NEK1: variants seen among roughly 807,000 people sequenced by gnomAD.
NEK1 encodes the protein NIMA related kinase 1.
Under a neutral mutation model 182.1 loss-of-function variants are expected in NEK1, and 137 were observed. The ratio of observed to expected loss-of-function variants is 0.75; its 90% CI spans 0.65 to 0.87. NEK1 has a LOEUF of 0.87. Ranked by LOEUF, NEK1 falls within the 40% of genes least tolerant of loss-of-function variation. The pLI, the probability that NEK1 is intolerant of heterozygous loss-of-function variation, is 0.00. For synonymous variants in NEK1, 513 were observed against 492.2 expected, an observed-to-expected ratio of 1.04 and a Z score of -0.56; for missense variants, 1,391 against 1,494.4, an observed-to-expected ratio of 0.93 and a Z score of 1.14.
At chr4:169,581,114 T>TGAGGG (rs1766581628) in intron 10 of NEK1, among the ~76,000 whole-genome samples, 1 of 149,432 alleles carries the variant, frequency 6.7e-6, no homozygotes, top group East Asian at 2.0e-4. Flanking sequence ...TTTAGGAGGC[T>TGAGGG]GAGGGGAAGA....
chr4:169,503,883 C>T (rs538264062), intron 23 of NEK1, among the ~76,000 whole-genome samples: 6 of 151,914 alleles, frequency 3.9e-5, no homozygotes, highest in Non-Finnish European at 8.8e-5. Context: ...CTTGATTGCA[C>T]ATCAAGTTAA....
At chr4:169,559,975 C>G (rs1253533298) in intron 16 of NEK1, among the ~76,000 whole-genome samples, 1 of 152,188 alleles carries the variant, frequency 6.6e-6, no homozygotes, top group African/African-American at 2.4e-5. Context: ...TGCCATTGCA[C>G]TCCAGCCTGG....
chr4:169,567,405 A>AATT (rs1554069542), intron 12 of NEK1, among the ~76,000 whole-genome samples: 4 of 146,838 alleles, frequency 2.7e-5, no homozygotes, highest in African/African-American at 7.4e-5. Context: ...GAAAAAAAAA[A>AATT]TTTTTTTTTT....
chr4:169,458,645 T>C (rs1422023886), intron 27 of NEK1, among the ~76,000 whole-genome samples: 2 of 151,912 alleles, frequency 1.3e-5, no homozygotes, highest in Non-Finnish European at 2.9e-5. Context: ...GAGGATCACA[T>C]GGGCAAACCC....
Position 169,597,228 on chromosome 4 carries a change from TCTCC to T in NEK1, c.312+1868_312+1871del, listed in dbSNP as rs780002971. Among the ~76,000 whole-genome samples the T allele has an allele frequency of 2.4e-4, 36 of 152,180 alleles. 1 individual carries two copies. Among genetic ancestry groups the T allele is most frequent in the Admixed American group, 1.1e-3 (17 of 15,282 alleles). On this transcript the variant is annotated intron_variant, in intron 5 of 35. Coordinates refer to ENST00000507142, the MANE Select transcript of NEK1 (RefSeq NM_001199397.3). ...ACCTTCACCACATGTATAGTAGGTATCTCCCTATTAACAAATGAGAAAATAATCT... is the reference window on the plus strand; with the variant it reads ...ACCTTCACCACATGTATAGTAGGTATCTATTAACAAATGAGAAAATAATCT...
At chr4:169,445,865 T>TATATACACACACACAC (rs569539235) in intron 27 of NEK1, among the ~76,000 whole-genome samples, 1,896 of 143,192 alleles carry the variant, frequency 0.013, 19 homozygotes, top group Non-Finnish European at 0.016. Context: ...TATATATATA[T>TATATACACACACACAC]ACACACACAC....
intron 12 of NEK1, among the ~76,000 whole-genome samples, chr4:169,563,193 C>T (rs976536830): frequency 4.0e-5 from 6 of 151,812 alleles, no homozygotes; most frequent in Admixed American, 1.3e-4. Flanking sequence ...GTCCCCATCT[C>T]TACAAAAAAT....
intron 19 of NEK1, among the ~76,000 whole-genome samples, chr4:169,531,105 GA>G (rs1322151590): frequency 6.6e-6 from 1 of 151,862 alleles, no homozygotes; most frequent in Non-Finnish European, 1.5e-5. Context: ...TAATTCTATA[GA>G]AGGCATTAAG....
chr4:169,532,731 G>A (rs1002127970), intron 19 of NEK1, among the ~76,000 whole-genome samples: 19 of 151,860 alleles, frequency 1.3e-4, no homozygotes, highest in Non-Finnish European at 2.5e-4. Context: ...CTTGAGTCCA[G>A]GAGATTGAGA....
In NEK1 at chr4:169,394,285, T is replaced by C; in HGVS notation, c.*225A>G. ...GTTGGATGATTTAATAAAGTATATA[T>C]TTTATGAGATTTAACCATGGAATTC... On this transcript the variant is annotated 3_prime_UTR_variant, in exon 36 of 36. Transcript: ENST00000507142. 1 of 406,778 alleles carries C rather than the reference T, an allele frequency of 2.5e-6. No homozygotes were observed. Among genetic ancestry groups the C allele is most frequent in the Non-Finnish European group, 4.4e-6 (1 of 226,498 alleles). The allele number at this position is 406,778 out of a possible 1,614,324, so 25.2% of individuals were successfully genotyped here.
chr4:169,489,910 G>A (rs1473693068), intron 23 of NEK1, among the ~76,000 whole-genome samples: 1 of 152,134 alleles, frequency 6.6e-6, no homozygotes. Flanking sequence ...ATACCTCAGA[G>A]AGTGAACTTG....
At chr4:169,415,133 C>A (rs1464782698) in intron 31 of NEK1, among the ~76,000 whole-genome samples, 2 of 152,188 alleles carry the variant, frequency 1.3e-5, no homozygotes, top group African/African-American at 4.8e-5. Context: ...AGACAAACAG[C>A]TAATTCATTT....
At chr4:169,595,291 G>T (rs1398594926) in intron 5 of NEK1, among the ~76,000 whole-genome samples, 1 of 152,140 alleles carries the variant, frequency 6.6e-6, no homozygotes, top group Non-Finnish European at 1.5e-5. Flanking sequence ...TTTGGAATAT[G>T]ATTGGTATTA....
chr4:169,484,075 G>C (rs2149579038), intron 23 of NEK1, among the ~76,000 whole-genome samples: 1 of 152,182 alleles, frequency 6.6e-6, no homozygotes, highest in African/African-American at 2.4e-5. Flanking sequence ...AGTATTTTTA[G>C]AACAAATATG....
intron 26 of NEK1, among the ~76,000 whole-genome samples, chr4:169,464,537 G>A (rs1744570654): frequency 6.6e-6 from 1 of 152,060 alleles, no homozygotes; most frequent in Non-Finnish European, 1.5e-5. Flanking sequence ...GGTCAGATGT[G>A]GGGGTGTCAC....
chr4:169,395,971 A>C (rs896147989), intron 35 of NEK1, among the ~76,000 whole-genome samples: 2 of 152,230 alleles, frequency 1.3e-5, no homozygotes, highest in Non-Finnish European at 2.9e-5. Context: ...GTCGGAATTT[A>C]ATTCATTCAT....
intron 8 of NEK1, 67 bp from the exon 9 acceptor site, chr4:169,587,680 A>C: frequency 1.0e-6 from 1 of 965,086 alleles, no homozygotes; most frequent in East Asian, 2.7e-5. Flanking sequence ...AGGAAACACA[A>C]ACAGCATAAA....
At chr4:169,588,941 G>A (rs1019575599) in intron 7 of NEK1, among the ~76,000 whole-genome samples, 3 of 152,144 alleles carry the variant, frequency 2.0e-5, no homozygotes, top group South Asian at 4.1e-4. Flanking sequence ...TAGTATAGCC[G>A]AAGTGTACAG....
intron 12 of NEK1, among the ~76,000 whole-genome samples, chr4:169,566,874 TG>T (rs1763771794): frequency 6.6e-6 from 1 of 151,682 alleles, no homozygotes; most frequent in African/African-American, 2.4e-5. Flanking sequence ...GAGGCCGAGG[TG>T]GGTGGATCAC....
Sources: gnomAD v4.1 joint callset for allele counts (sites outside exome capture counted in the v4.1 genomes callset) on GRCh38, gnomAD v4.1.1 for gene constraint, MANE v1.5 for transcripts, NCBI Gene and HGNC (gene_info 2026-07-23, HGNC 2026-07-21) for gene names.